SCOC: variants seen among roughly 807,000 people sequenced by gnomAD.
The protein encoded by SCOC is short coiled-coil protein.
SCOC carries 7 observed loss-of-function variants against 9.9 expected under a neutral mutation model. That is an observed-to-expected ratio of 0.71 (90% CI 0.40 to 1.33). The LOEUF (loss-of-function observed/expected upper bound fraction) is 1.33, where lower values mean the gene tolerates loss of function less well. Ranked by LOEUF, SCOC falls within the 40% of genes most tolerant of loss-of-function variation. SCOC has a pLI of 0.01. For synonymous variants in SCOC, 19 were observed against 28.2 expected (o/e 0.67, Z 1.03); for missense variants, 66 against 89.7 (o/e 0.74, Z 1.07).
At chr4:140,314,564 C>T (rs1160628288) in intron 1 of SCOC, 1 of 152,170 alleles carries the variant, frequency 6.6e-6, no homozygotes, top group Non-Finnish European at 1.5e-5. Flanking sequence ...GGCCACCCAG[C>T]CCAGATCTCA....
Position 140,384,864 on chromosome 4 carries a change from G to A in SCOC, c.*3760G>A, listed in dbSNP as rs536469414. ...TGCTTTTAGGAGGTGGGGCTTTTGG[G>A]AGATAATTAGGTAATGAGGGTGAAA... is the stretch of plus-strand genomic sequence containing the variant. On this transcript the variant is annotated 3_prime_UTR_variant, in exon 4 of 4. Transcript: ENST00000608372. 1 of 152,240 alleles carries A rather than the reference G, an allele frequency of 6.6e-6. No homozygotes were observed. The highest frequency in any genetic ancestry group is 2.4e-5 in the African/African-American group (1 of 41,532). 9.4% of individuals were successfully genotyped at this position (152,240 alleles called of 1,614,324 possible).
chr4:140,353,143 G>A (rs142535505), intron 2 of SCOC, among the ~76,000 whole-genome samples: 1 of 152,124 alleles, frequency 6.6e-6, no homozygotes, highest in South Asian at 2.1e-4. Context: ...GAGAACTTAA[G>A]GGTTCCTTTG....
At position 140,362,299 on chromosome 4, in the gene SCOC, C is replaced by CTTCTTCTTCTTCTTCTTCTTCTTCT. The variant is rs367795160; in HGVS notation, c.71-16820_71-16819insCTTCTTCTTCTTCTTCTTCTTCTTT. On this transcript the variant is annotated intron_variant, in intron 2 of 4. Coordinates refer to the SCOC transcript ENST00000338517. ...CTTACTTCTTCTTCTTCTTCTTCTT[C>CTTCTTCTTCTTCTTCTTCTTCTTCT]TTTTTTTTTTTTTTTTGTGAGAGTC... Among the ~76,000 whole-genome samples, 39 of 38,366 alleles carry CTTCTTCTTCTTCTTCTTCTTCTTCT rather than the reference C, an allele frequency of 1.0e-3. 1 individual carries two copies. Among genetic ancestry groups the CTTCTTCTTCTTCTTCTTCTTCTTCT allele is most frequent in the African/African-American group, 2.9e-3 (39 of 13,378 alleles). The allele number at this position is 38,366 out of a possible 152,430, so 25.2% of individuals were successfully genotyped here.
chr4:140,288,856 CT>C (rs1439666921), intron 1 of SCOC, among the ~76,000 whole-genome samples: 4 of 151,988 alleles, frequency 2.6e-5, no homozygotes, highest in African/African-American at 7.3e-5. Flanking sequence ...CTATATACCC[CT>C]CATACAAAAC....
intron 1 of SCOC, among the ~76,000 whole-genome samples, chr4:140,279,816 G>T (rs1472543842): frequency 1.3e-5 from 2 of 152,058 alleles, no homozygotes; most frequent in Non-Finnish European, 2.9e-5. Flanking sequence ...CTCTCTCCCA[G>T]GCCAGTATTC....
At chr4:140,359,776 T>C (rs1217175865) in intron 2 of SCOC, among the ~76,000 whole-genome samples, 1 of 152,232 alleles carries the variant, frequency 6.6e-6, no homozygotes, top group Non-Finnish European at 1.5e-5. Context: ...TCCTCAGGGA[T>C]GGTCCTTCAG....
intron 1 of SCOC, among the ~76,000 whole-genome samples, chr4:140,270,935 G>T (rs3946832): frequency 6.6e-6 from 1 of 152,168 alleles, no homozygotes; most frequent in Non-Finnish European, 1.5e-5. Flanking sequence ...CCAAGGGGAG[G>T]ACCTAGATTT....
At chr4:140,297,219 T>C (rs547076320) in intron 1 of SCOC, among the ~76,000 whole-genome samples, 17 of 150,958 alleles carry the variant, frequency 1.1e-4, no homozygotes, top group African/African-American at 3.2e-4. Context: ...GCAAGGTCTT[T>C]GGAGAGGCGC....
intron 2 of SCOC, among the ~76,000 whole-genome samples, chr4:140,363,288 T>C (rs1727652265): frequency 6.6e-6 from 1 of 152,190 alleles, no homozygotes; most frequent in Non-Finnish European, 1.5e-5. Flanking sequence ...CGTTAGCTTG[T>C]AAGTGCAGCT....
At chr4:140,354,410 G>A (rs1271485055) in intron 2 of SCOC, among the ~76,000 whole-genome samples, 7 of 151,508 alleles carry the variant, frequency 4.6e-5, no homozygotes, top group Admixed American at 1.3e-4. Context: ...ACCCCTAACC[G>A]CTACATTTCT....
intron 1 of SCOC, among the ~76,000 whole-genome samples, chr4:140,262,621 A>G (rs1578751463): frequency 6.6e-6 from 1 of 152,182 alleles, no homozygotes; most frequent in East Asian, 1.9e-4. Context: ...AGAAATAGCT[A>G]TGAGAGAACG....
At chr4:140,356,980 T>C (rs954243585) in intron 2 of SCOC, among the ~76,000 whole-genome samples, 1 of 152,158 alleles carries the variant, frequency 6.6e-6, no homozygotes, top group African/African-American at 2.4e-5. Flanking sequence ...TATTTGTTCA[T>C]TTATTTAGAG....
At chr4:140,288,141 A>T (rs1297422569) in intron 1 of SCOC, among the ~76,000 whole-genome samples, 1 of 152,000 alleles carries the variant, frequency 6.6e-6, no homozygotes, top group African/African-American at 2.4e-5. Flanking sequence ...CACAGCACAC[A>T]CTTTTATGTA....
At chr4:140,261,541 C>A (rs2126387603) in intron 1 of SCOC, among the ~76,000 whole-genome samples, 1 of 152,302 alleles carries the variant, frequency 6.6e-6, no homozygotes, top group South Asian at 2.1e-4. Flanking sequence ...AGGCTGAGTG[C>A]CCTCTGCATT....
At chr4:140,293,089 C>T (rs544420643) in intron 1 of SCOC, among the ~76,000 whole-genome samples, 3 of 152,346 alleles carry the variant, frequency 2.0e-5, no homozygotes, top group South Asian at 2.1e-4. Context: ...CACTTAGTAG[C>T]AGCCAGCAAA....
At chr4:140,315,837 C>T (rs563525054) in intron 1 of SCOC, among the ~76,000 whole-genome samples, 1 of 152,154 alleles carries the variant, frequency 6.6e-6, no homozygotes, top group East Asian at 1.9e-4. Context: ...CTTTTTTCCA[C>T]CCAGGGGAGA....
intron 1 of SCOC, chr4:140,291,444 A>G: frequency 6.6e-6 from 3 of 457,230 alleles, no homozygotes; most frequent in Non-Finnish European, 1.3e-5. Context: ...ACCTCTTGTC[A>G]TCTTGCCCAG....
chr4:140,263,143 A>T (rs1161836000), intron 1 of SCOC, among the ~76,000 whole-genome samples: 4 of 152,194 alleles, frequency 2.6e-5, no homozygotes, highest in Non-Finnish European at 5.9e-5. Flanking sequence ...CATCTCTTTA[A>T]ACTATCTCAT....
chr4:140,292,194 T>G (rs1353209928), intron 1 of SCOC, among the ~76,000 whole-genome samples: 1 of 151,686 alleles, frequency 6.6e-6, no homozygotes, highest in Non-Finnish European at 1.5e-5. Context: ...TTCTGGTTTT[T>G]TTTTTTTTTT....
Sources: gnomAD v4.1 joint callset for allele counts (sites outside exome capture counted in the v4.1 genomes callset) on GRCh38, gnomAD v4.1.1 for gene constraint, MANE v1.5 for transcripts, NCBI Gene and HGNC (gene_info 2026-07-23, HGNC 2026-07-21) for gene names.